Variants in RACGAP1 observed in about 807,000 individuals in gnomAD.
RACGAP1 encodes the protein Rac GTPase activating protein 1.
A neutral mutation model predicts 78.1 loss-of-function variants in RACGAP1; 30 were observed. The ratio of observed to expected loss-of-function variants is 0.38; its 90% CI spans 0.29 to 0.52. The LOEUF is 0.52. Among genes scored for constraint, RACGAP1 ranks in the 20% least tolerant of loss-of-function variants. The probability of loss-of-function intolerance (pLI) is 0.82; values close to 1 mark genes in which losing one functional copy is unlikely to be tolerated. For missense variants in RACGAP1, 587 were observed against 777.1 expected, an observed-to-expected ratio of 0.76 and a Z score of 2.91; for synonymous variants, 231 against 264.8, an observed-to-expected ratio of 0.87 and a Z score of 1.24.
At position 49,994,195 on chromosome 12, in the gene RACGAP1, A is replaced by G. The variant is rs540225767; in HGVS notation, c.1275T>C (p.Phe425=). The G allele has an allele frequency of 1.9e-6, 3 of 1,614,122 alleles. No homozygotes were observed. The highest frequency in any genetic ancestry group is 1.1e-5 in the South Asian group (1 of 91,082). The part of the protein sequence containing the change: ...IHAICSLLKD[F]LRNLKEPLLT... ...GAAGAGGTTCTTTGAGGTTTCGAAG[A>G]AAGTCTTTTAGAAGGCTACAGATAG... The change falls in exon 12 of 17, where the codon TTT becomes TTC. Residue 425 remains phenylalanine, a synonymous_variant. Coordinates refer to ENST00000312377, the MANE Select transcript of RACGAP1 (RefSeq NM_001319999.2).
intron 5 of RACGAP1, 88 bp from the exon 6 acceptor site, chr12:50,002,388 G>C (rs915873495): frequency 1.7e-6 from 2 of 1,150,044 alleles, no homozygotes; most frequent in Non-Finnish European, 2.5e-6. Flanking sequence ...AACTTTAAAG[G>C]CTTCTTCAGT....
intron 2 of RACGAP1, among the ~76,000 whole-genome samples, chr12:50,015,028 G>A (rs111354501): frequency 0.046 from 6,077 of 130,938 alleles, 397 homozygotes; most frequent in African/African-American, 0.15. Context: ...GGGTGACAGA[G>A]TGAGATTCTG....
chr12:50,005,685 T>A (rs1057299044), intron 3 of RACGAP1, among the ~76,000 whole-genome samples: 1 of 152,162 alleles, frequency 6.6e-6, no homozygotes, highest in African/African-American at 2.4e-5. Flanking sequence ...CCAAAATAGA[T>A]TTCACATAGC....
intron 1 of RACGAP1, among the ~76,000 whole-genome samples, chr12:50,025,154 G>A (rs578194164): frequency 6.6e-6 from 1 of 151,920 alleles, no homozygotes; most frequent in Admixed American, 6.6e-5. Context: ...TCAAAAAGAC[G>A]CCCCCGGCTT....
At chr12:50,005,478 C>A in intron 3 of RACGAP1, 86 bp from the exon 4 acceptor site, 1 of 1,489,440 alleles carries the variant, frequency 6.7e-7, no homozygotes, top group East Asian at 2.3e-5. Flanking sequence ...GACCAGAAGA[C>A]ATTAAAATGC....
chr12:50,018,211 C>T (rs1343609990), intron 1 of RACGAP1, among the ~76,000 whole-genome samples: 1 of 151,058 alleles, frequency 6.6e-6, no homozygotes, highest in Non-Finnish European at 1.5e-5. Flanking sequence ...ATATTAAATG[C>T]TGCAGAATTA....
rs746569413 is a variant in RACGAP1 at position 49,999,179 on chromosome 12, T to C, written c.841A>G (p.Asn281Asp). The C allele has an allele frequency of 2.0e-5, 32 of 1,612,698 alleles. No homozygotes were observed. In the African/African-American group the frequency reaches 4.0e-4, roughly 20 times the overall value. ...AAGTCATGCAGGCGCATCCCTCCATTACTCTGTGGCGTGCCCACACTGTCT... is the reference window on the plus strand; with the variant it reads ...AAGTCATGCAGGCGCATCCCTCCATCACTCTGTGGCGTGCCCACACTGTCT... ...ETDSVGTPQSNGGMRLHDFVS... is the reference protein window; with the variant it reads ...ETDSVGTPQSDGGMRLHDFVS... Residue 281 changes from asparagine to aspartate, a missense_variant, in exon 9 of 17, where the codon AAT (asparagine) becomes GAT (aspartate). Transcript: ENST00000312377.
At position 50,014,436 on chromosome 12, in the gene RACGAP1, A is replaced by C. The variant is rs180777832; in HGVS notation, c.85+2195T>G. Among the ~76,000 whole-genome samples the C allele has an allele frequency of 8.6e-3, 1,310 of 152,252 alleles. 9 individuals carry two copies. Among genetic ancestry groups the C allele is most frequent in the Non-Finnish European group, 0.014 (941 of 68,018 alleles). On this transcript the variant is annotated intron_variant, in intron 2 of 16. Coordinates refer to ENST00000312377, the MANE Select transcript of RACGAP1 (RefSeq NM_001319999.2). ...TTTATTATTTCCCCCCAGGAATTGA[A>C]GTCTCACTTTCACCCAGGCGGGAGT...
intron 1 of RACGAP1, among the ~76,000 whole-genome samples, chr12:50,032,789 A>C (rs1284374735): frequency 1.3e-5 from 2 of 152,100 alleles, no homozygotes; most frequent in African/African-American, 2.4e-5. Flanking sequence ...GCGCGCTCTG[A>C]GTGCTTCCGA....
intron 1 of RACGAP1, 27 bp from the exon 2 acceptor site, chr12:50,016,746 G>T (rs1290388316): frequency 1.9e-6 from 3 of 1,606,856 alleles, no homozygotes; most frequent in East Asian, 4.5e-5. Context: ...TATACATTAG[G>T]GGTCCTGCCT....
intron 1 of RACGAP1, chr12:50,025,179 C>T: frequency 2.1e-6 from 1 of 471,642 alleles, no homozygotes; most frequent in Non-Finnish European, 2.8e-6. Flanking sequence ...CAAAACCCGG[C>T]GCCAAGACAG....
Position 50,016,667 on chromosome 12 carries a change from G to A in RACGAP1, c.49C>T (p.Arg17Cys), listed in dbSNP as rs985560724. ...CCTTCACTGAGAATCTCCACCCGGC[G>A]CACAAGCTGCTCAAACAGATTCCGC... is the stretch of plus-strand genomic sequence containing the variant. ...NVRNLFEQLV[R>C]RVEILSEGNE... The change falls in exon 2 of 17, where the codon CGC (arginine) becomes TGC (cysteine). Residue 17 changes from arginine (R) to cysteine (C), a missense_variant. Coordinates refer to ENST00000312377, the MANE Select transcript of RACGAP1 (RefSeq NM_001319999.2). 8.1e-6 allele frequency: 13 copies of A among 1,613,758 alleles called. No individual in the cohort carries two copies. In the East Asian group the frequency reaches 1.6e-4, roughly 19 times the overall value.
At chr12:49,992,222 C>T (rs370579776) in intron 14 of RACGAP1, 23 bp downstream of exon 14, 2 of 1,609,986 alleles carry the variant, frequency 1.2e-6, no homozygotes, top group African/African-American at 2.7e-5. Context: ...AGTTCACATA[C>T]ACACACACAC....
chr12:50,028,107 T>C (rs1021331290), upstream of RACGAP1, among the ~76,000 whole-genome samples: 5 of 152,102 alleles, frequency 3.3e-5, no homozygotes, highest in African/African-American at 1.2e-4. Flanking sequence ...TATGCTAACA[T>C]GGCAAGCAGG....
At position 49,994,332 on chromosome 12, in the gene RACGAP1, A is replaced by G; in HGVS notation, c.1141-3T>C. ...CCAGAGATCCTATACAGGCCTGTCT[A>G]TTATCAAGATGACATTTTTATTTAA... is the stretch of plus-strand genomic sequence containing the variant. On this transcript the variant is annotated splice_polypyrimidine_tract_variant and splice_region_variant and intron_variant, in intron 11 of 16. Coordinates refer to ENST00000312377, the MANE Select transcript of RACGAP1 (RefSeq NM_001319999.2). 2 of 1,612,914 alleles carry G rather than the reference A, an allele frequency of 1.2e-6. No homozygotes were observed. Among genetic ancestry groups the G allele is most frequent in the Non-Finnish European group, 1.7e-6 (2 of 1,179,704 alleles).
chr12:50,006,380 A>G lies in RACGAP1; in HGVS notation c.288+54T>C, dbSNP rs1565680894. ...ATTTGGCAAGTGGAAACTGTCAGAC[A>G]ATGCCTTCCCCCTCCTGCATCATCA... On this transcript the variant is annotated intron_variant, in intron 3 of 16. Transcript: ENST00000312377. 7 of 1,589,444 alleles carry G rather than the reference A, an allele frequency of 4.4e-6. No homozygotes were observed. The Admixed American group carries it at 6.7e-5, about 15-fold the overall frequency.
In RACGAP1 at chr12:50,010,903, G is replaced by C. The variant is rs137899429; in HGVS notation, c.86-4267C>G. 6.7e-5 allele frequency among the ~76,000 whole-genome samples: 10 copies of C among 148,430 alleles called. No homozygotes were observed. The East Asian group carries it at 2.1e-3, about 31-fold the overall frequency. ...GCCGAGATCTCGCCATTGCACTCCA[G>C]CCTGGGCAACAAAGAGCGAAAAATT... On this transcript the variant is annotated intron_variant, in intron 2 of 16. Transcript: ENST00000312377.
At chr12:50,019,466 T>G (rs185993836) in intron 1 of RACGAP1, among the ~76,000 whole-genome samples, 1 of 152,218 alleles carries the variant, frequency 6.6e-6, no homozygotes, top group African/African-American at 2.4e-5. Context: ...CACACACATA[T>G]CTGTGATGCT....
intron 1 of RACGAP1, among the ~76,000 whole-genome samples, chr12:50,021,545 C>G (rs1950010176): frequency 6.6e-6 from 1 of 152,220 alleles, no homozygotes; most frequent in Admixed American, 6.5e-5. Flanking sequence ...TTCAGAAAAA[C>G]AGACTATTAC....
Sources: allele counts gnomAD v4.1 joint callset (sites outside exome capture counted in the v4.1 genomes callset), GRCh38; gene constraint gnomAD v4.1.1; transcripts MANE v1.5; gene names NCBI Gene and HGNC (gene_info 2026-07-23, HGNC 2026-07-21).